Variants in ELAVL4 observed in about 807,000 individuals in gnomAD.
The protein encoded by ELAVL4 is ELAV like RNA binding protein 4.
A neutral mutation model predicts 35.6 loss-of-function variants in ELAVL4; 1 was observed. That is an observed-to-expected ratio of 0.03 (90% CI 0.01 to 0.13). The LOEUF (loss-of-function observed/expected upper bound fraction) is 0.13, where lower values mean the gene tolerates loss of function less well. Ranked by LOEUF, ELAVL4 falls within the 10% of genes least tolerant of loss-of-function variation. The probability of loss-of-function intolerance (pLI) is 1.00; values close to 1 mark genes in which losing one functional copy is unlikely to be tolerated. For synonymous variants in ELAVL4, 156 were observed against 171.0 expected, an observed-to-expected ratio of 0.91 and a Z score of 0.69; for missense variants, 267 against 464.9, an observed-to-expected ratio of 0.57 and a Z score of 3.91.
intron 1 of ELAVL4, among the ~76,000 whole-genome samples, chr1:50,065,592 CAT>C (rs2148482186): frequency 6.6e-6 from 1 of 152,274 alleles, no homozygotes; most frequent in East Asian, 1.9e-4. Context: ...ATGCCAGACA[CAT>C]AGTATGTCTC....
chr1:50,059,759 G>T (rs1056715159), intron 1 of ELAVL4, among the ~76,000 whole-genome samples: 1 of 151,792 alleles, frequency 6.6e-6, no homozygotes, highest in Non-Finnish European at 1.5e-5. Flanking sequence ...ATATAATGCA[G>T]TGGAATATTA....
At chr1:50,111,167 TTTGTTG>T (rs906174789) in intron 1 of ELAVL4, among the ~76,000 whole-genome samples, 1 of 151,586 alleles carries the variant, frequency 6.6e-6, no homozygotes, top group Non-Finnish European at 1.5e-5. Flanking sequence ...GCGTGTGGTT[TTTGTTG>T]TTGTTGTTGT....
At chr1:50,109,268 C>A in intron 1 of ELAVL4, 70 bp downstream of exon 1, 3 of 1,502,822 alleles carry the variant, frequency 2.0e-6, no homozygotes, top group Non-Finnish European at 2.8e-6. Flanking sequence ...ACACCTTGAC[C>A]AGTCTTATGC....
intron 6 of ELAVL4, among the ~76,000 whole-genome samples, chr1:50,200,399 C>T (rs538781546): frequency 9.2e-5 from 14 of 152,014 alleles, no homozygotes; most frequent in African/African-American, 3.1e-4. Context: ...CTATGTGTCA[C>T]TATATCTGTG....
intron 2 of ELAVL4, among the ~76,000 whole-genome samples, chr1:50,163,762 G>T (rs1183616879): frequency 6.6e-6 from 1 of 152,120 alleles, no homozygotes; most frequent in Non-Finnish European, 1.5e-5. Flanking sequence ...GGAAGCAGAG[G>T]TTGCAGTGAG....
chr1:50,119,084 G>GAAAGAAAT (rs1448266245), intron 1 of ELAVL4, among the ~76,000 whole-genome samples: 13 of 133,150 alleles, frequency 9.8e-5, no homozygotes, highest in Admixed American at 2.9e-4. Flanking sequence ...AAGAAAGAAA[G>GAAAGAAAT]AAAGAAAGAA....
intron 1 of ELAVL4, among the ~76,000 whole-genome samples, chr1:50,068,059 A>C (rs977581357): frequency 6.6e-6 from 1 of 152,156 alleles, no homozygotes. Flanking sequence ...ACATAGCCAA[A>C]CCAGCCAAAC....
chr1:50,103,949 T>C (rs1341846750), upstream of ELAVL4: 2 of 1,613,980 alleles, frequency 1.2e-6, no homozygotes, highest in Non-Finnish European at 1.7e-6. Flanking sequence ...GTGAATGCTC[T>C]GGAACTGCCC....
At chr1:50,111,396 A>C (rs1667053024) in intron 1 of ELAVL4, among the ~76,000 whole-genome samples, 1 of 152,122 alleles carries the variant, frequency 6.6e-6, no homozygotes, top group Admixed American at 6.6e-5. Flanking sequence ...GGTTCTGCAA[A>C]TGATTTCTTA....
At chr1:50,057,108 C>G (rs1444074150) in intron 1 of ELAVL4, among the ~76,000 whole-genome samples, 2 of 151,758 alleles carry the variant, frequency 1.3e-5, no homozygotes, top group Non-Finnish European at 1.5e-5. Context: ...AGGTGCAAGA[C>G]AGTGATATTG....
chr1:50,152,185 G>A (rs1318432007), intron 2 of ELAVL4, among the ~76,000 whole-genome samples: 5 of 152,084 alleles, frequency 3.3e-5, no homozygotes, highest in Non-Finnish European at 7.4e-5. Context: ...CCTCCTGGCT[G>A]TGTTCCCCTT....
intron 1 of ELAVL4, among the ~76,000 whole-genome samples, chr1:50,134,726 G>A (rs547602656): frequency 2.4e-4 from 36 of 152,226 alleles, no homozygotes; most frequent in Admixed American, 5.9e-4. Flanking sequence ...ACCGAATTGT[G>A]GGGGATGAAG....
Position 50,050,139 on chromosome 1 carries a change from G to A in ELAVL4, c.18+1957G>A, listed in dbSNP as rs550735488. 8.0e-4 allele frequency among the ~76,000 whole-genome samples: 122 copies of A among 152,160 alleles called. 1 individual carries two copies. The highest frequency in any genetic ancestry group is 2.7e-3 in the African/African-American group (112 of 41,514). On this transcript the variant is annotated intron_variant, in intron 1 of 6. Coordinates refer to the ELAVL4 transcript ENST00000448907. ...TTTGGTCCTTCCTGCCACTTTTTTC[G>A]CCATAGATACATGGGGTTAATACCA...
intron 1 of ELAVL4, among the ~76,000 whole-genome samples, chr1:50,058,080 A>G (rs535893315): frequency 6.6e-6 from 1 of 152,354 alleles, no homozygotes; most frequent in African/African-American, 2.4e-5. Context: ...GATTTTTGAA[A>G]TGGAAGAACC....
chr1:50,152,322 A>G (rs923113394), intron 2 of ELAVL4, among the ~76,000 whole-genome samples: 2 of 152,094 alleles, frequency 1.3e-5, no homozygotes, highest in Non-Finnish European at 2.9e-5. Flanking sequence ...CAGGCTGGGT[A>G]TTTTAAGAAT....
intron 2 of ELAVL4, among the ~76,000 whole-genome samples, chr1:50,169,963 AT>A (rs904860573): frequency 6.6e-6 from 1 of 152,098 alleles, no homozygotes; most frequent in African/African-American, 2.4e-5. Flanking sequence ...TGCGGGGACA[AT>A]TTTTTGGTCA....
intron 1 of ELAVL4, among the ~76,000 whole-genome samples, chr1:50,093,545 G>A (rs571097411): frequency 6.6e-6 from 1 of 152,292 alleles, no homozygotes; most frequent in East Asian, 1.9e-4. Context: ...GACCTGGTTT[G>A]CCATTACTGG....
chr1:50,154,779 TG>T (rs1675423066), intron 2 of ELAVL4, among the ~76,000 whole-genome samples: 1 of 151,892 alleles, frequency 6.6e-6, no homozygotes, highest in African/African-American at 2.4e-5. Flanking sequence ...TGTGTGTGTG[TG>T]TGTGTTTGTC....
At chr1:50,081,859 G>T (rs1397707291) in intron 1 of ELAVL4, among the ~76,000 whole-genome samples, 1 of 151,984 alleles carries the variant, frequency 6.6e-6, no homozygotes, top group Non-Finnish European at 1.5e-5. Context: ...GCCCTGGTGT[G>T]TGATGTTCCC....
Sources: allele counts gnomAD v4.1 joint callset (sites outside exome capture counted in the v4.1 genomes callset), GRCh38; gene constraint gnomAD v4.1.1; transcripts MANE v1.5; gene names NCBI Gene and HGNC (gene_info 2026-07-23, HGNC 2026-07-21).